Variants in INPP4B observed in about 807,000 individuals in gnomAD.
INPP4B encodes the protein inositol polyphosphate-4-phosphatase type II B, also known as inositol polyphosphate 4-phosphatase type II.
INPP4B carries 55 observed loss-of-function variants against 122.5 expected under a neutral mutation model. The observed-to-expected ratio is 0.45, with a 90% confidence interval of 0.36 to 0.56. INPP4B has a LOEUF of 0.56. Ranked by LOEUF, INPP4B falls within the 20% of genes least tolerant of loss-of-function variation. INPP4B has a pLI of 0.00. For synonymous variants in INPP4B, 403 were observed against 388.7 expected, an observed-to-expected ratio of 1.04 and a Z score of -0.43; for missense variants, 1,000 against 1,097.7, an observed-to-expected ratio of 0.91 and a Z score of 1.26.
rs1222608522 is a variant in INPP4B, at chr4:142,770,841, G to C, written c.-253-44940C>G. 2.0e-5 allele frequency among the ~76,000 whole-genome samples: 3 copies of C among 152,104 alleles called. No individual in the cohort carries two copies. The East Asian group carries it at 5.8e-4, about 29-fold the overall frequency. ...AAGAAAAGGCTGTGATGTGCATAGAGAGCTACAAGACAGGGCACAATTCTT... is the reference window on the plus strand; with the variant it reads ...AAGAAAAGGCTGTGATGTGCATAGACAGCTACAAGACAGGGCACAATTCTT... On this transcript the variant is annotated intron_variant, in intron 1 of 25. Coordinates refer to ENST00000262992, the MANE Select transcript of INPP4B (RefSeq NM_001101669.3).
At chr4:142,814,575 A>T (rs993696376) in intron 1 of INPP4B, among the ~76,000 whole-genome samples, 2 of 152,152 alleles carry the variant, frequency 1.3e-5, no homozygotes, top group African/African-American at 4.8e-5. Context: ...GAAGAGGGAA[A>T]GAGATGTCAT....
chr4:142,193,022 T>A (rs1836667839), intron 15 of INPP4B, 65 bp downstream of exon 15: 1 of 952,664 alleles, frequency 1.0e-6, no homozygotes, highest in South Asian at 1.4e-5. Context: ...TCACCTTGTA[T>A]ATAGACTTCC....
At chr4:142,800,211 G>C (rs144238971) in intron 1 of INPP4B, among the ~76,000 whole-genome samples, 25 of 152,206 alleles carry the variant, frequency 1.6e-4, no homozygotes, top group Non-Finnish European at 3.4e-4. Context: ...TTGAATGTAC[G>C]TACAGCAACC....
Position 142,066,740 on chromosome 4 carries a change from G to C in INPP4B, c.2642+15291C>G, listed in dbSNP as rs544343068. Among the ~76,000 whole-genome samples the C allele has an allele frequency of 3.0e-4, 46 of 152,316 alleles. 1 individual carries two copies. The highest frequency in any genetic ancestry group is 1.1e-3 in the African/African-American group (44 of 41,576). On this transcript the variant is annotated intron_variant, in intron 25 of 25. Coordinates refer to ENST00000262992, the MANE Select transcript of INPP4B (RefSeq NM_001101669.3). ...TCACTCATTGTTAGCACAGCAGTCTGAGATCAAACTGCAAGGCAGCAGCGA... is the reference window on the plus strand; with the variant it reads ...TCACTCATTGTTAGCACAGCAGTCTCAGATCAAACTGCAAGGCAGCAGCGA...
intron 25 of INPP4B, among the ~76,000 whole-genome samples, chr4:142,058,677 T>C (rs1341245934): frequency 1.3e-5 from 2 of 152,150 alleles, no homozygotes; most frequent in Admixed American, 6.6e-5. Context: ...ATTCTACTTT[T>C]CAGAAGTAAT....
chr4:142,682,966 A>T (rs762388425), intron 2 of INPP4B, among the ~76,000 whole-genome samples: 19 of 151,962 alleles, frequency 1.3e-4, no homozygotes, highest in Non-Finnish European at 2.2e-4. Flanking sequence ...ACACATATAT[A>T]TGTGCTGAAT....
At chr4:142,489,223 T>G (rs1037420533) in intron 2 of INPP4B, among the ~76,000 whole-genome samples, 1 of 152,160 alleles carries the variant, frequency 6.6e-6, no homozygotes, top group Non-Finnish European at 1.5e-5. Flanking sequence ...AGAAAACTGC[T>G]CTGCAAAATG....
At chr4:142,355,087 C>T (rs62328291) in intron 7 of INPP4B, among the ~76,000 whole-genome samples, 4,880 of 152,070 alleles carry the variant, frequency 0.032, 92 homozygotes, top group Middle Eastern at 0.054. Context: ...TCTGTGCAAA[C>T]TTTCACCTGG....
At chr4:142,279,409 T>C (rs1750130340) in intron 9 of INPP4B, among the ~76,000 whole-genome samples, 1 of 151,938 alleles carries the variant, frequency 6.6e-6, no homozygotes, top group Non-Finnish European at 1.5e-5. Context: ...AATTAAACTC[T>C]GGTTTTGAAA....
At chr4:142,404,763 C>A (rs187002714) in intron 6 of INPP4B, among the ~76,000 whole-genome samples, 1 of 151,930 alleles carries the variant, frequency 6.6e-6, no homozygotes, top group Non-Finnish European at 1.5e-5. Context: ...AAGCAAAAAC[C>A]CTTAACATGT....
At position 142,187,717 on chromosome 4, in the gene INPP4B, C is replaced by T. The variant is rs376655284; in HGVS notation, c.1181+5370G>A. Among the ~76,000 whole-genome samples, 7 of 151,924 alleles carry T rather than the reference C, an allele frequency of 4.6e-5. No individual in the cohort carries two copies. The East Asian group carries it at 1.4e-3, about 29-fold the overall frequency. The stretch of plus-strand genomic sequence containing the variant: ...CAAGTGATCCTTCCACTTTAGTCTC[C>T]CAAGTTTCTGGAACTAAAGGCACAT... On this transcript the variant is annotated intron_variant, in intron 15 of 25. Transcript: ENST00000262992.
At chr4:142,034,679 C>T (rs1175019761) in intron 25 of INPP4B, among the ~76,000 whole-genome samples, 1 of 152,092 alleles carries the variant, frequency 6.6e-6, no homozygotes, top group Non-Finnish European at 1.5e-5. Context: ...CCCTTGTATC[C>T]AGACCATATA....
At position 142,025,826 on chromosome 4, in the gene INPP4B, G is replaced by C. The variant is rs906349800; in HGVS notation, c.*2956C>G. 2.6e-5 allele frequency: 4 copies of C among 152,108 alleles called. No individual in the cohort carries two copies. The highest frequency in any genetic ancestry group is 2.0e-4 in the Admixed American group (3 of 15,260). 9.4% of individuals were successfully genotyped at this position (152,108 alleles called of 1,614,324 possible). On this transcript the variant is annotated 3_prime_UTR_variant, in exon 26 of 26. Transcript: ENST00000262992. ...GTCATTTAGTACAATTTATCACTTGGAACAAATGGTTGCTCGACTCACTGA... is the reference window on the plus strand; with the variant it reads ...GTCATTTAGTACAATTTATCACTTGCAACAAATGGTTGCTCGACTCACTGA...
chr4:142,361,667 C>T lies in INPP4B; in HGVS notation c.372+41271G>A, dbSNP rs534454974. Among the ~76,000 whole-genome samples the T allele has an allele frequency of 9.9e-5, 15 of 151,940 alleles. No homozygotes were observed. The South Asian group carries it at 2.9e-3, about 29-fold the overall frequency. On this transcript the variant is annotated intron_variant, in intron 7 of 25. Transcript: ENST00000262992. ...CTCATGAAATCCTGTTTCTTCATAA[C>T]ATTGATTAAAATTTGTAATTATATC...
chr4:142,453,889 T>C (rs1273741962), intron 3 of INPP4B, among the ~76,000 whole-genome samples: 1 of 152,154 alleles, frequency 6.6e-6, no homozygotes, highest in Non-Finnish European at 1.5e-5. Flanking sequence ...AGGCCATTGT[T>C]CCACCTGCAA....
intron 25 of INPP4B, among the ~76,000 whole-genome samples, chr4:142,070,638 G>C (rs1038099370): frequency 1.1e-4 from 16 of 152,148 alleles, no homozygotes; most frequent in Non-Finnish European, 2.9e-5. Flanking sequence ...CTTCAGCAAA[G>C]TCTCAAGATA....
intron 1 of INPP4B, among the ~76,000 whole-genome samples, chr4:142,754,052 A>G (rs1561032404): frequency 6.6e-6 from 1 of 152,106 alleles, no homozygotes; most frequent in Non-Finnish European, 1.5e-5. Context: ...CTGAAAAATC[A>G]GAATCACAAT....
At chr4:142,068,599 G>A (rs1040836224) in intron 25 of INPP4B, among the ~76,000 whole-genome samples, 1 of 152,114 alleles carries the variant, frequency 6.6e-6, no homozygotes, top group Non-Finnish European at 1.5e-5. Context: ...CTCACGTGCA[G>A]AGACACACAT....
intron 10 of INPP4B, among the ~76,000 whole-genome samples, chr4:142,264,087 A>G (rs554320722): frequency 6.6e-6 from 1 of 152,178 alleles, no homozygotes; most frequent in Non-Finnish European, 1.5e-5. Context: ...CAGAGAGTTG[A>G]GAAGCTGTGA....
Sources: gnomAD v4.1 joint callset for allele counts (sites outside exome capture counted in the v4.1 genomes callset) on GRCh38, gnomAD v4.1.1 for gene constraint, MANE v1.5 for transcripts, NCBI Gene and HGNC (gene_info 2026-07-23, HGNC 2026-07-21) for gene names.